The following SNX30 variants were observed in gnomAD, a reference collection of about 807,000 sequenced individuals.
The protein encoded by SNX30 is sorting nexin family member 30.
A neutral mutation model predicts 46.4 loss-of-function variants in SNX30; 24 were observed. The observed-to-expected ratio is 0.52, with a 90% confidence interval of 0.37 to 0.73. The LOEUF (loss-of-function observed/expected upper bound fraction) is 0.73. Ranked by LOEUF, SNX30 falls within the 30% of genes least tolerant of loss-of-function variation. SNX30 has a pLI of 0.00. For synonymous variants in SNX30, 189 were observed against 211.5 expected (o/e 0.89, Z 0.92); for missense variants, 533 against 555.7 (o/e 0.96, Z 0.41).
At chr9:112,810,020 G>C (rs764040719) in intron 2 of SNX30, among the ~76,000 whole-genome samples, 1 of 152,168 alleles carries the variant, frequency 6.6e-6, no homozygotes, top group Non-Finnish European at 1.5e-5. Flanking sequence ...AATTGCCACC[G>C]AAGGGGCGGT....
chr9:112,778,563 C>T (rs747064161), intron 1 of SNX30, among the ~76,000 whole-genome samples: 5 of 152,182 alleles, frequency 3.3e-5, no homozygotes, highest in Non-Finnish European at 7.3e-5. Context: ...TGAGCCACTG[C>T]GCCCGGCCCG....
chr9:112,882,499 G>T (rs1355438279), downstream of SNX30, among the ~76,000 whole-genome samples: 1 of 152,228 alleles, frequency 6.6e-6, no homozygotes, highest in Non-Finnish European at 1.5e-5. Flanking sequence ...TAAGGACCTT[G>T]CTCTGGCCAC....
intron 1 of SNX30, among the ~76,000 whole-genome samples, chr9:112,775,303 G>A (rs1027600995): frequency 2.6e-5 from 4 of 151,680 alleles, no homozygotes; most frequent in African/African-American, 7.3e-5. Flanking sequence ...TTACAGGCAT[G>A]CACCACCACA....
At chr9:112,793,571 G>T (rs1006343473) in intron 1 of SNX30, among the ~76,000 whole-genome samples, 1 of 152,250 alleles carries the variant, frequency 6.6e-6, no homozygotes, top group African/African-American at 2.4e-5. Flanking sequence ...ATTAGCGTGC[G>T]TGTAAAGGGG....
At chr9:112,849,070 T>C (rs1470873514) in intron 6 of SNX30, among the ~76,000 whole-genome samples, 2 of 152,176 alleles carry the variant, frequency 1.3e-5, no homozygotes, top group African/African-American at 2.4e-5. Flanking sequence ...GGTTTTTTTT[T>C]CCAGTAAGAT....
At chr9:112,883,858 C>T (rs897226355), downstream of SNX30, among the ~76,000 whole-genome samples, 7 of 151,916 alleles carry the variant, frequency 4.6e-5, no homozygotes, top group East Asian at 1.9e-4. Context: ...TTGCCAAGCC[C>T]GGCTAATTTT....
At chr9:112,824,382 A>C (rs183164343) in intron 3 of SNX30, among the ~76,000 whole-genome samples, 8 of 152,186 alleles carry the variant, frequency 5.3e-5, no homozygotes, top group Non-Finnish European at 8.8e-5. Context: ...AGTTTCTAAA[A>C]ATGTTTTCAT....
At chr9:112,754,143 A>C (rs1409526706) in intron 1 of SNX30, among the ~76,000 whole-genome samples, 5 of 152,302 alleles carry the variant, frequency 3.3e-5, no homozygotes, top group African/African-American at 1.2e-4. Flanking sequence ...GTTATTATGC[A>C]AAGGGGAATT....
intron 1 of SNX30, among the ~76,000 whole-genome samples, chr9:112,770,164 T>TTTAA (rs755357910): frequency 1.9e-4 from 29 of 152,084 alleles, no homozygotes; most frequent in Non-Finnish European, 3.7e-4. Context: ...GCTTTTTAAA[T>TTTAA]TTAATTAATT....
In SNX30 at chr9:112,804,897, T is replaced by A. The variant is rs1391086706; in HGVS notation, c.278T>A (p.Val93Asp). Residue 93 changes from valine (V) to aspartate (D), a missense_variant, in exon 2 of 9, where the codon GTT becomes GAT. By Grantham distance (152) the Val-to-Asp change is radical (BLOSUM62 -3). Coordinates refer to ENST00000374232, the MANE Select transcript of SNX30 (RefSeq NM_001012994.2). ...DIDGETRDLF[V>D]IVDDPKKHVC... ...GATGGTGAGACTAGAGATCTCTTCG[T>A]TATAGTTGATGATCCCAAGAAGCAT... 1 of 1,613,968 alleles carries A rather than the reference T, an allele frequency of 6.2e-7. No individual in the cohort carries two copies. Among genetic ancestry groups the A allele is most frequent in the Admixed American group, 1.7e-5 (1 of 60,018 alleles).
In SNX30 at chr9:112,829,325, A is replaced by C. The variant is rs112217086; in HGVS notation, c.460-1400A>C. Reference sequence around the variant, plus strand: ...CACTCTGTAACCCAGGCTGGAGTGCAGTGGTGCAATCTCCACTCACTGCAA... The same window carrying C: ...CACTCTGTAACCCAGGCTGGAGTGCCGTGGTGCAATCTCCACTCACTGCAA... On this transcript the variant is annotated intron_variant, in intron 3 of 8. Transcript: ENST00000374232. Among the ~76,000 whole-genome samples the C allele has an allele frequency of 1.6e-3, 245 of 152,296 alleles. 1 individual carries two copies. Among genetic ancestry groups the C allele is most frequent in the African/African-American group, 5.5e-3 (230 of 41,550 alleles).
At chr9:112,876,534 C>G (rs1425155194), downstream of SNX30, among the ~76,000 whole-genome samples, 1 of 152,068 alleles carries the variant, frequency 6.6e-6, no homozygotes, top group African/African-American at 2.4e-5. Context: ...TTGAGGAAAT[C>G]CAGGTGGAGA....
intron 2 of SNX30, 58 bp downstream of exon 2, chr9:112,805,025 C>A (rs1840203299): frequency 1.4e-6 from 2 of 1,412,302 alleles, no homozygotes; most frequent in Admixed American, 2.2e-5. Context: ...TTGGGGTCTA[C>A]CTCAGTGAAT....
At chr9:112,791,032 A>G (rs1840010837) in intron 1 of SNX30, among the ~76,000 whole-genome samples, 1 of 152,188 alleles carries the variant, frequency 6.6e-6, no homozygotes, top group South Asian at 2.1e-4. Context: ...TATGTCCACT[A>G]CATTTTTTAT....
Position 112,850,947 on chromosome 9 carries a change from T to A in SNX30, c.1101+2T>A, listed in dbSNP as rs1403605897. ...CTGCGGAAGGAAGACCGCCCCAAGG[T>A]CAGGGAAGCCACCTGGGAAGGGCTG... On this transcript the variant is annotated splice_donor_variant, in intron 7 of 8. Coordinates refer to ENST00000374232, the MANE Select transcript of SNX30 (RefSeq NM_001012994.2). LOFTEE classifies it high-confidence loss of function. The A allele has an allele frequency of 3.7e-6, 6 of 1,613,438 alleles. No individual in the cohort carries two copies. The highest frequency in any genetic ancestry group is 5.1e-6 in the Non-Finnish European group (6 of 1,179,660).
rs570620482 is a variant in SNX30, at chr9:112,822,111, G to A, written c.459+4296G>A. Among the ~76,000 whole-genome samples, 37 of 151,630 alleles carry A rather than the reference G, an allele frequency of 2.4e-4. No homozygotes were observed. The South Asian group carries it at 6.5e-3, about 27-fold the overall frequency. On this transcript the variant is annotated intron_variant, in intron 3 of 8. Transcript: ENST00000374232. The stretch of plus-strand genomic sequence containing the variant: ...CTTTTTTTGGTAGAGACAGAGTCTT[G>A]CTATGTTGCCCAGGCTGGTCTCAAA...
At chr9:112,868,278 C>G (rs1841392278) in intron 8 of SNX30, among the ~76,000 whole-genome samples, 1 of 152,186 alleles carries the variant, frequency 6.6e-6, no homozygotes, top group Admixed American at 6.5e-5. Context: ...TTGAGAGATT[C>G]AGGTGTGGCC....
intron 3 of SNX30, among the ~76,000 whole-genome samples, chr9:112,821,764 G>C (rs140580792): frequency 0.012 from 1,753 of 151,882 alleles, 34 homozygotes; most frequent in African/African-American, 0.04. Flanking sequence ...GGGATTACAG[G>C]CTTGAGCCAC....
chr9:112,860,723 T>A (rs1439459228), intron 7 of SNX30, among the ~76,000 whole-genome samples: 2 of 152,192 alleles, frequency 1.3e-5, no homozygotes, highest in Admixed American at 1.3e-4. Context: ...TGGCAAAGGG[T>A]GGCATAATGT....
Sources: allele counts gnomAD v4.1 joint callset (sites outside exome capture counted in the v4.1 genomes callset), GRCh38; gene constraint gnomAD v4.1.1; transcripts MANE v1.5; gene names NCBI Gene and HGNC (gene_info 2026-07-23, HGNC 2026-07-21).